The following PAK1 variants were observed in gnomAD, a reference collection of about 807,000 sequenced individuals.
PAK1 encodes serine/threonine-protein kinase PAK 1.
In PAK1, 29 loss-of-function variants were observed where a neutral mutation model predicts 67.4. That is an observed-to-expected ratio of 0.43 (90% CI 0.32 to 0.59). The LOEUF (loss-of-function observed/expected upper bound fraction) is 0.59. Ranked by LOEUF, PAK1 falls within the 20% of genes least tolerant of loss-of-function variation. The pLI, the probability that PAK1 is intolerant of heterozygous loss-of-function variation, is 0.07. For missense variants in PAK1, 337 were observed against 670.7 expected (o/e 0.50, Z 5.50); for synonymous variants, 223 against 237.4 (o/e 0.94, Z 0.56).
At chr11:77,336,587 A>G (rs769153358) in intron 12 of PAK1, among the ~76,000 whole-genome samples, 2 of 152,166 alleles carry the variant, frequency 1.3e-5, no homozygotes, top group Admixed American at 1.3e-4. Context: ...GCTCATCCCA[A>G]TTCTGCTTTG....
intron 1 of PAK1, among the ~76,000 whole-genome samples, chr11:77,455,276 C>G (rs1356855992): frequency 6.6e-6 from 1 of 150,518 alleles, no homozygotes; most frequent in Admixed American, 6.6e-5. Flanking sequence ...CAACTCCTTT[C>G]TAGCCTAGTA....
chr11:77,397,273 A>T (rs1008611237), intron 1 of PAK1: 9 of 152,262 alleles, frequency 5.9e-5, no homozygotes, highest in African/African-American at 2.2e-4. Flanking sequence ...ATATTGAAGC[A>T]TTAATTATGA....
At chr11:77,361,646 T>C (rs957137900) in intron 5 of PAK1, among the ~76,000 whole-genome samples, 1 of 152,132 alleles carries the variant, frequency 6.6e-6, no homozygotes, top group African/African-American at 2.4e-5. Flanking sequence ...GGCAATAAAA[T>C]ACAAATTCCT....
intron 1 of PAK1, among the ~76,000 whole-genome samples, chr11:77,467,827 G>A (rs1213345406): frequency 6.6e-6 from 1 of 152,192 alleles, no homozygotes; most frequent in Admixed American, 6.5e-5. Flanking sequence ...ATTTAAATAA[G>A]TGTCCAAGTA....
chr11:77,435,412 G>A (rs764203672), intron 1 of PAK1, among the ~76,000 whole-genome samples: 6 of 151,948 alleles, frequency 3.9e-5, no homozygotes, highest in Admixed American at 6.6e-5. Flanking sequence ...CCCTGCCTTC[G>A]CAAGGTGGCT....
In PAK1 at chr11:77,458,821, TAAATTATTTTATTCAGTCTTTCAAC is replaced by T. The variant is rs1957193735; in HGVS notation, c.-22+14706_-22+14730del. 3.3e-5 allele frequency among the ~76,000 whole-genome samples: 5 copies of T among 152,170 alleles called. No homozygotes were observed. In the South Asian group the frequency reaches 1.0e-3, roughly 32 times the overall value. On this transcript the variant is annotated intron_variant, in intron 1 of 14. Transcript: ENST00000356341. ...AATATATGTCGAGGGAGTGCAAAAG[TAAATTATTTTATTCAGTCTTTCAAC>T]AAATATGTATTAAGAGCCTACTACA...
At chr11:77,441,300 G>A (rs1052517268) in intron 1 of PAK1, among the ~76,000 whole-genome samples, 3 of 152,186 alleles carry the variant, frequency 2.0e-5, no homozygotes, top group Non-Finnish European at 4.4e-5. Flanking sequence ...TCTGTAAAAA[G>A]GAGGGTAATC....
At chr11:77,390,196 TTTTA>T (rs1950950822) in intron 2 of PAK1, among the ~76,000 whole-genome samples, 1 of 152,158 alleles carries the variant, frequency 6.6e-6, no homozygotes, top group Non-Finnish European at 1.5e-5. Context: ...ATATCTTTTA[TTTTA>T]TTTATTTATT....
chr11:77,358,260 G>A (rs1946312795), intron 6 of PAK1, among the ~76,000 whole-genome samples: 1 of 151,968 alleles, frequency 6.6e-6, no homozygotes, highest in South Asian at 2.1e-4. Flanking sequence ...ATCATCTGAT[G>A]GTAGGTCAGT....
chr11:77,404,014 T>C (rs892249104), intron 1 of PAK1, among the ~76,000 whole-genome samples: 3 of 152,182 alleles, frequency 2.0e-5, no homozygotes, highest in African/African-American at 7.2e-5. Context: ...TCTTGCTCTC[T>C]TGCCCTTCCA....
rs1942661098 is a variant in PAK1 at position 77,336,225 on chromosome 11, A to G, written c.1274T>C (p.Val425Ala). 1 of 1,614,042 alleles carries G rather than the reference A, an allele frequency of 6.2e-7. No individual in the cohort carries two copies. Among genetic ancestry groups the G allele is most frequent in the Non-Finnish European group, 8.5e-7 (1 of 1,179,914 alleles). The change falls in exon 13 of 15, where the codon GTA becomes GCA. Residue 425 changes from valine to alanine, a missense_variant. By Grantham distance (64) the Val-to-Ala change is moderately conservative. Around this residue, in one of 8 missense-constraint regions of PAK1, gnomAD observed 71 missense variants for 160.5 expected, o/e 0.44. Coordinates refer to ENST00000356341, the MANE Select transcript of PAK1 (RefSeq NM_002576.5). ...TPEQSKRSTM[V>A]GTPYWMAPEV... Reference sequence around the variant, plus strand: ...TGGTGCCATCCAGTATGGGGTTCCTACCATGGTGCTCCGTTTGCTCTGCTC... The same window carrying G: ...TGGTGCCATCCAGTATGGGGTTCCTGCCATGGTGCTCCGTTTGCTCTGCTC...
intron 4 of PAK1, among the ~76,000 whole-genome samples, chr11:77,375,093 A>G (rs146931792): frequency 3.5e-3 from 539 of 152,320 alleles, no homozygotes; most frequent in Non-Finnish European, 4.6e-3. Flanking sequence ...TAATTATCAG[A>G]CCACCATTGT....
chr11:77,355,604 G>A, intron 7 of PAK1, 64 bp downstream of exon 7: 1 of 1,383,216 alleles, frequency 7.2e-7, no homozygotes, highest in East Asian at 2.3e-5. Context: ...CCTACGACCA[G>A]CAAATCTCTG....
In PAK1 at chr11:77,392,543, T is replaced by C. The variant is rs371099475; in HGVS notation, c.-21-2A>G. On this transcript the variant is annotated splice_acceptor_variant, in intron 1 of 14. Coordinates refer to ENST00000356341, the MANE Select transcript of PAK1 (RefSeq NM_002576.5). LOFTEE classifies it low-confidence loss of function (5UTR_SPLICE). ...CATTGTCACCACCAGCAGCAGCTAC[T>C]AGAATCAGAAATAAGAACAATATAA... The C allele has an allele frequency of 1.9e-6, 3 of 1,568,866 alleles. No homozygotes were observed. In the African/African-American group the frequency reaches 4.1e-5, roughly 21 times the overall value.
At chr11:77,400,913 G>T (rs1259865814) in intron 1 of PAK1, among the ~76,000 whole-genome samples, 1 of 152,200 alleles carries the variant, frequency 6.6e-6, no homozygotes, top group Non-Finnish European at 1.5e-5. Flanking sequence ...AAGCTTCAAA[G>T]ATGCTGCCAG....
At chr11:77,388,072 G>A (rs1249040829) in intron 2 of PAK1, among the ~76,000 whole-genome samples, 1 of 152,230 alleles carries the variant, frequency 6.6e-6, no homozygotes, top group Non-Finnish European at 1.5e-5. Flanking sequence ...ACCAAAGGAT[G>A]AAAGATAGTT....
intron 2 of PAK1, among the ~76,000 whole-genome samples, chr11:77,380,222 G>A (rs1333720351): frequency 1.3e-5 from 2 of 152,120 alleles, no homozygotes; most frequent in African/African-American, 2.4e-5. Context: ...GGCCGGGCAC[G>A]GTGGTTCATG....
the PAK1 span, among the ~76,000 whole-genome samples, chr11:77,493,736 C>T: frequency 6.6e-6 from 1 of 152,054 alleles, no homozygotes; most frequent in Non-Finnish European, 1.5e-5. Flanking sequence ...CTCCACAACA[C>T]CCCTATAAAA....
At chr11:77,412,970 G>C (rs1592376995) in intron 1 of PAK1, among the ~76,000 whole-genome samples, 1 of 152,180 alleles carries the variant, frequency 6.6e-6, no homozygotes, top group Non-Finnish European at 1.5e-5. Flanking sequence ...GACTAGTAGT[G>C]CCTCTAGTAG....
Sources: allele counts gnomAD v4.1 joint callset (sites outside exome capture counted in the v4.1 genomes callset), GRCh38; gene constraint gnomAD v4.1.1; regional missense constraint gnomAD v4.1.1; transcripts MANE v1.5; gene names NCBI Gene and HGNC (gene_info 2026-07-23, HGNC 2026-07-21).